The following ANKRD30A variants were observed in gnomAD, a reference collection of about 807,000 sequenced individuals.
ANKRD30A encodes ankyrin repeat domain-containing protein 30A.
ANKRD30A carries 170 observed loss-of-function variants against 166.3 expected under a neutral mutation model. The ratio of observed to expected loss-of-function variants is 1.02; its 90% CI spans 0.90 to 1.16. ANKRD30A has a LOEUF of 1.16. Ranked by LOEUF, ANKRD30A falls within the 50% of genes most tolerant of loss-of-function variation. The pLI, the probability that ANKRD30A is intolerant of heterozygous loss-of-function variation, is 0.00. For missense variants in ANKRD30A, 1,630 were observed against 1,518.0 expected, an observed-to-expected ratio of 1.07 and a Z score of -1.23; for synonymous variants, 564 against 508.9, an observed-to-expected ratio of 1.11 and a Z score of -1.46.
intron 24 of ANKRD30A, chr10:37,178,589 G>T: frequency 1.0e-6 from 1 of 978,200 alleles, no homozygotes; most frequent in Non-Finnish European, 1.2e-6. Flanking sequence ...AAGGTCAGGA[G>T]AAAACATCAT....
chr10:37,135,864 C>A (rs1281347472), intron 5 of ANKRD30A, among the ~76,000 whole-genome samples: 5 of 152,236 alleles, frequency 3.3e-5, no homozygotes, highest in Admixed American at 2.6e-4. Context: ...TTACATGCCA[C>A]AAAGAATAGA....
intron 18 of ANKRD30A, among the ~76,000 whole-genome samples, chr10:37,165,878 T>A (rs1839287000): frequency 6.6e-6 from 1 of 152,108 alleles, no homozygotes; most frequent in Non-Finnish European, 1.5e-5. Context: ...AACAAGCAGC[T>A]GCTGCCTGAT....
rs188734490 is a variant in ANKRD30A, at chr10:37,137,695, C to T, written c.820+1024C>T. Among the ~76,000 whole-genome samples the T allele has an allele frequency of 1.5e-3, 234 of 152,166 alleles. 1 individual carries two copies. The highest frequency in any genetic ancestry group is 5.3e-3 in the African/African-American group (222 of 41,520). The stretch of plus-strand genomic sequence containing the variant: ...TTGGGGGAGGGACGCTTACCATTGC[C>T]GAGGCTTGAGTAGGTAAACAAAGAG... On this transcript the variant is annotated intron_variant, in intron 6 of 35. Transcript: ENST00000361713.
rs1364390890 is a variant in ANKRD30A, at chr10:37,149,281, G to C, written c.1544-370G>C. 3.3e-5 allele frequency among the ~76,000 whole-genome samples: 5 copies of C among 151,952 alleles called. No homozygotes were observed. The East Asian group carries it at 9.6e-4, about 29-fold the overall frequency. On this transcript the variant is annotated intron_variant, in intron 9 of 35. Transcript: ENST00000361713. ...CATCATAACTATGTACTTTTCCAAA[G>C]ATAGGCCATATTAAAGAACATGATG... is the stretch of plus-strand genomic sequence containing the variant.
In ANKRD30A at chr10:37,141,787, G is replaced by A. The variant is rs773464055; in HGVS notation, c.890G>A (p.Ser297Asn). Residue 297 changes from serine to asparagine, a missense_variant, in exon 7 of 36, where the codon AGC becomes AAC. Ser to Asn is a conservative substitution (Grantham distance 46). Around this residue, in one of 4 missense-constraint regions of ANKRD30A, gnomAD observed 904 missense variants for 818.5 expected, o/e 1.10. Transcript: ENST00000361713. ...LAERTPDTAE[S>N]LVEKTPDEAA... ...GAAAGAACACCTGACACAGCTGAAA[G>A]CTTGGTGGAAAAAACACCTGATGAG... 1.2e-6 allele frequency: 2 copies of A among 1,612,354 alleles called. No individual in the cohort carries two copies. Among genetic ancestry groups the A allele is most frequent in the Admixed American group, 1.7e-5 (1 of 59,890 alleles).
At position 37,219,571 on chromosome 10, in the gene ANKRD30A, G is replaced by T. The variant is rs1438588760; in HGVS notation, c.3859G>T (p.Asp1287Tyr). ...ATTGGTTTCAGAACATGCACAAAGA[G>T]ACCAACGTGAAACACAGTGTCAAAT... ...NTLVSEHAQR[D>Y]QRETQCQMKE... Residue 1287 changes from aspartate (D) to tyrosine (Y), a missense_variant, in exon 34 of 36, where the codon GAC becomes TAC. By Grantham distance (160) the Asp-to-Tyr change is radical. Coordinates refer to ENST00000361713, the MANE Select transcript of ANKRD30A (RefSeq NM_052997.3). The T allele has an allele frequency of 2.3e-5, 37 of 1,610,126 alleles. No homozygotes were observed. Among genetic ancestry groups the T allele is most frequent in the Middle Eastern group, 3.3e-4 (2 of 6,062 alleles).
the ANKRD30A span, among the ~76,000 whole-genome samples, chr10:37,251,526 A>G: frequency 1.3e-5 from 2 of 152,156 alleles, no homozygotes; most frequent in Non-Finnish European, 2.9e-5. Flanking sequence ...CCTGAGCCCT[A>G]CATGAGTTTT....
At position 37,190,510 on chromosome 10, in the gene ANKRD30A, G is replaced by C. The variant is rs993966066; in HGVS notation, c.2512+953G>C. On this transcript the variant is annotated intron_variant, in intron 25 of 35. Coordinates refer to ENST00000361713, the MANE Select transcript of ANKRD30A (RefSeq NM_052997.3). ...CCACTCCTCAAAGTAAAAGGAAAGA[G>C]TTGGAAAAAATAATGTTAACAGGTG... 5.9e-5 allele frequency among the ~76,000 whole-genome samples: 9 copies of C among 151,806 alleles called. 1 individual carries two copies. The highest frequency in any genetic ancestry group is 2.2e-4 in the African/African-American group (9 of 41,184).
chr10:37,258,962 C>CAAA, the ANKRD30A span, among the ~76,000 whole-genome samples: 142 of 45,316 alleles, frequency 3.1e-3, no homozygotes, highest in African/African-American at 3.9e-3. Context: ...GACTCCATCT[C>CAAA]AAAAAAAAAA....
Position 37,232,519 on chromosome 10 carries a change from G to A in ANKRD30A, c.*232G>A, listed in dbSNP as rs2132768896. On this transcript the variant is annotated 3_prime_UTR_variant, in exon 36 of 36. Transcript: ENST00000361713. ...CCCAGAATTGCATAAAGCTGCACAG[G>A]ATTCCCATCTACCCTGATGATGCAG... 1 of 149,816 alleles carries A rather than the reference G, an allele frequency of 6.7e-6. No individual in the cohort carries two copies. Among genetic ancestry groups the A allele is most frequent in the South Asian group, 2.1e-4 (1 of 4,674 alleles). The allele number at this position is 149,816 out of a possible 1,614,324, so 9.3% of individuals were successfully genotyped here.
the ANKRD30A span, among the ~76,000 whole-genome samples, chr10:37,265,875 A>AC: frequency 6.6e-6 from 1 of 151,804 alleles, no homozygotes; most frequent in African/African-American, 2.4e-5. Context: ...AAGTAAACAA[A>AC]CCCCCCTGGG....
At chr10:37,234,694 T>C (rs371785485), downstream of ANKRD30A, among the ~76,000 whole-genome samples, 28 of 152,344 alleles carry the variant, frequency 1.8e-4, 1 homozygote, top group African/African-American at 5.8e-4. Context: ...TTTGGACTTC[T>C]GGTGCATTAC....
chr10:37,152,271 A>G (rs1838007593), intron 12 of ANKRD30A, 150 bp downstream of exon 12: 2 of 679,328 alleles, frequency 2.9e-6, no homozygotes, highest in Admixed American at 3.1e-5. Context: ...TGGAGAATCT[A>G]TGTGCTAAGT....
intron 6 of ANKRD30A, among the ~76,000 whole-genome samples, chr10:37,140,096 A>G (rs1836999701): frequency 6.6e-6 from 1 of 152,214 alleles, no homozygotes; most frequent in Admixed American, 6.5e-5. Flanking sequence ...GGAAAAATAT[A>G]TTCACTTTTG....
At position 37,219,538 on chromosome 10, in the gene ANKRD30A, GA is replaced by G; in HGVS notation, c.3830del (p.Asn1277IlefsTer19). On this transcript the variant is annotated frameshift_variant, in exon 34 of 36. Coordinates refer to ENST00000361713, the MANE Select transcript of ANKRD30A (RefSeq NM_052997.3). LOFTEE classifies it high-confidence loss of function. ...CAATTATGCAGGAGATGCTCTAAGAGAAAATACATTGGTTTCAGAACATGCA... is the reference window on the plus strand; with the variant it reads ...CAATTATGCAGGAGATGCTCTAAGAGAAATACATTGGTTTCAGAACATGCA... ...NLNYAGDALRENTLVSEHAQR... is the reference protein window; with the variant it reads ...NLNYAGDALRXNTLVSEHAQR... The G allele has an allele frequency of 6.2e-7, 1 of 1,610,268 alleles. No homozygotes were observed. Among genetic ancestry groups the G allele is most frequent in the Non-Finnish European group, 8.5e-7 (1 of 1,177,686 alleles).
chr10:37,249,519 A>G, the ANKRD30A span, among the ~76,000 whole-genome samples: 3 of 152,140 alleles, frequency 2.0e-5, no homozygotes, highest in Non-Finnish European at 2.9e-5. Flanking sequence ...AGGAAATTCC[A>G]TTATGTTATA....
chr10:37,205,308 A>G (rs1198411455), intron 31 of ANKRD30A, among the ~76,000 whole-genome samples: 1 of 152,160 alleles, frequency 6.6e-6, no homozygotes, highest in Admixed American at 6.5e-5. Context: ...AGGGACATGG[A>G]TGAAGCTGGA....
rs1275685927 is a variant in ANKRD30A, at chr10:37,133,435, G to A, written c.618-481G>A. 2.0e-5 allele frequency among the ~76,000 whole-genome samples: 3 copies of A among 152,236 alleles called. 1 individual carries two copies. The highest frequency in any genetic ancestry group is 4.1e-4 in the South Asian group (2 of 4,822). Reference sequence around the variant, plus strand: ...GTCCTTTAAGGACTATTGTGTTGAAGTAACATTATGAATGTCAACAGCATT... The same window carrying A: ...GTCCTTTAAGGACTATTGTGTTGAAATAACATTATGAATGTCAACAGCATT... On this transcript the variant is annotated intron_variant, in intron 4 of 35. Coordinates refer to ENST00000361713, the MANE Select transcript of ANKRD30A (RefSeq NM_052997.3).
intron 31 of ANKRD30A, among the ~76,000 whole-genome samples, chr10:37,207,015 C>T (rs1486636732): frequency 2.6e-5 from 4 of 151,800 alleles, no homozygotes; most frequent in Non-Finnish European, 5.9e-5. Flanking sequence ...GTTTTTTATA[C>T]ATTATTTTCT....
Sources: gnomAD v4.1 joint callset for allele counts (sites outside exome capture counted in the v4.1 genomes callset) on GRCh38, gnomAD v4.1.1 for gene constraint, gnomAD v4.1.1 regional missense constraint, MANE v1.5 for transcripts, NCBI Gene and HGNC (gene_info 2026-07-23, HGNC 2026-07-21) for gene names.